The following ZDHHC21 variants were observed in gnomAD, a reference collection of about 807,000 sequenced individuals.
ZDHHC21 encodes the protein palmitoyltransferase ZDHHC21.
A neutral mutation model predicts 34.6 loss-of-function variants in ZDHHC21; 15 were observed. That is an observed-to-expected ratio of 0.43 (90% CI 0.29 to 0.67). The LOEUF (loss-of-function observed/expected upper bound fraction) is 0.67, where lower values mean the gene tolerates loss of function less well. ZDHHC21 is among the 30% of genes least tolerant of loss of function. The pLI is 0.14. For missense variants in ZDHHC21, 344 were observed against 327.7 expected, an observed-to-expected ratio of 1.05 and a Z score of -0.38; for synonymous variants, 142 against 101.8, an observed-to-expected ratio of 1.40 and a Z score of -2.38.
At position 14,640,030 on chromosome 9, in the gene ZDHHC21, G is replaced by A; in HGVS notation, c.505-18C>T. On this transcript the variant is annotated intron_variant, in intron 7 of 9. Coordinates refer to ENST00000380916, the MANE Select transcript of ZDHHC21 (RefSeq NM_178566.6). ...AAGAGGTCCTAAAAAGAAAAAGAAA[G>A]TCTTAAAAACCATTCAGAGTTGCTT... 1 of 1,525,796 alleles carries A rather than the reference G, an allele frequency of 6.6e-7. No homozygotes were observed. Among genetic ancestry groups the A allele is most frequent in the Non-Finnish European group, 9.0e-7 (1 of 1,112,778 alleles). 94.5% of individuals were successfully genotyped at this position (1,525,796 alleles called of 1,614,324 possible). A position where few individuals can be genotyped will look rare whatever the true frequency, so the allele number is the denominator to read the frequency against.
intron 2 of ZDHHC21, among the ~76,000 whole-genome samples, chr9:14,689,429 G>A (rs1410798993): frequency 2.0e-5 from 3 of 152,156 alleles, no homozygotes; most frequent in East Asian, 1.9e-4. Flanking sequence ...AAACGTGGGT[G>A]GACAAAGTGT....
intron 8 of ZDHHC21, among the ~76,000 whole-genome samples, chr9:14,637,482 C>G (rs185967047): frequency 2.6e-5 from 4 of 151,984 alleles, no homozygotes; most frequent in Non-Finnish European, 5.9e-5. Context: ...ATAAGTAGAA[C>G]TAACACCAAT....
intron 5 of ZDHHC21, 40 bp from the exon 6 acceptor site, chr9:14,662,366 T>C (rs1332007141): frequency 3.5e-6 from 5 of 1,446,310 alleles, no homozygotes; most frequent in Non-Finnish European, 4.8e-6. Flanking sequence ...TGAAGGCAAG[T>C]GGGTAATGCT....
chr9:14,623,987 T>A (rs1825769497), intron 8 of ZDHHC21, among the ~76,000 whole-genome samples: 1 of 152,080 alleles, frequency 6.6e-6, no homozygotes, highest in Non-Finnish European at 1.5e-5. Flanking sequence ...ACAAAACTAC[T>A]ATATGATCCA....
intron 3 of ZDHHC21, among the ~76,000 whole-genome samples, chr9:14,677,200 ACT>A (rs1346432516): frequency 2.0e-5 from 3 of 152,178 alleles, no homozygotes; most frequent in Admixed American, 6.6e-5. Flanking sequence ...CATAGATGAC[ACT>A]CTCTAAAAGA....
At chr9:14,588,886 T>C in the ZDHHC21 span, 1 of 152,154 alleles carries the variant, frequency 6.6e-6, no homozygotes, top group Non-Finnish European at 1.5e-5. Context: ...ATGAGCCCAC[T>C]GACTCAGATG....
chr9:14,607,336 G>A (rs1480452579), downstream of ZDHHC21, among the ~76,000 whole-genome samples: 1 of 152,078 alleles, frequency 6.6e-6, no homozygotes. Flanking sequence ...GCCAGGAGGT[G>A]GAGGCTGCAG....
chr9:14,684,578 C>T (rs982175353), intron 2 of ZDHHC21, among the ~76,000 whole-genome samples: 64 of 151,738 alleles, frequency 4.2e-4, no homozygotes, highest in Non-Finnish European at 6.8e-4. Flanking sequence ...GAAGAACATT[C>T]CATGCTCATG....
At chr9:14,596,193 A>G in the ZDHHC21 span, among the ~76,000 whole-genome samples, 512 of 152,374 alleles carry the variant, frequency 3.4e-3, 4 homozygotes, top group Non-Finnish European at 4.1e-3. Flanking sequence ...AATCGATAAC[A>G]AATTGAAGAT....
the ZDHHC21 span, among the ~76,000 whole-genome samples, chr9:14,602,195 A>G: frequency 6.6e-6 from 1 of 152,028 alleles, no homozygotes; most frequent in East Asian, 1.9e-4. Flanking sequence ...GAAGAATTCA[A>G]TGAATGAAAT....
In ZDHHC21 at chr9:14,656,093, G is replaced by A. The variant is rs1017618218; in HGVS notation, c.504+2656C>T. Among the ~76,000 whole-genome samples the A allele has an allele frequency of 1.5e-4, 23 of 151,890 alleles. 1 individual carries two copies. Among genetic ancestry groups the A allele is most frequent in the African/African-American group, 4.8e-4 (20 of 41,526 alleles). On this transcript the variant is annotated intron_variant, in intron 7 of 9. Transcript: ENST00000380916. ...AATCAATCCACCAAAAAGGTATAAC[G>A]AAATTTGGATGTGTCTATAATGTAG...
At chr9:14,626,643 G>C (rs1385249713) in intron 8 of ZDHHC21, among the ~76,000 whole-genome samples, 1 of 151,774 alleles carries the variant, frequency 6.6e-6, no homozygotes, top group Admixed American at 6.6e-5. Context: ...AAATAATTTT[G>C]ATAATTTTTT....
intron 7 of ZDHHC21, among the ~76,000 whole-genome samples, chr9:14,648,678 G>C (rs1013748462): frequency 1.3e-5 from 2 of 152,014 alleles, no homozygotes; most frequent in African/African-American, 4.8e-5. Flanking sequence ...TCTCTAATTG[G>C]AACGTAAGCT....
At chr9:14,638,175 C>G (rs1828644436) in intron 8 of ZDHHC21, among the ~76,000 whole-genome samples, 1 of 151,814 alleles carries the variant, frequency 6.6e-6, no homozygotes, top group Non-Finnish European at 1.5e-5. Context: ...TAAAAGCAGA[C>G]ACATAGACAC....
chr9:14,669,719 T>C (rs868039065), intron 5 of ZDHHC21, among the ~76,000 whole-genome samples: 6,227 of 148,558 alleles, frequency 0.042, 406 homozygotes, highest in African/African-American at 0.15. Context: ...GTGGATGAAA[T>C]TGGAAATCAT....
At chr9:14,687,406 C>G (rs1587494739) in intron 2 of ZDHHC21, among the ~76,000 whole-genome samples, 1 of 150,926 alleles carries the variant, frequency 6.6e-6, no homozygotes, top group East Asian at 1.9e-4. Flanking sequence ...CATGGTGGCT[C>G]ATGCCTGTAA....
intron 7 of ZDHHC21, among the ~76,000 whole-genome samples, chr9:14,651,762 T>C (rs1345257924): frequency 6.6e-6 from 1 of 151,926 alleles, no homozygotes; most frequent in Non-Finnish European, 1.5e-5. Context: ...TAAAATGAAA[T>C]AGAGTTTCAT....
chr9:14,663,831 A>G (rs1476291394), intron 5 of ZDHHC21, among the ~76,000 whole-genome samples: 1 of 152,234 alleles, frequency 6.6e-6, no homozygotes, highest in Non-Finnish European at 1.5e-5. Context: ...CAAGAGCAAC[A>G]GTACTAAAGC....
At chr9:14,672,294 T>C (rs1835609010) in intron 5 of ZDHHC21, among the ~76,000 whole-genome samples, 1 of 152,120 alleles carries the variant, frequency 6.6e-6, no homozygotes, top group African/African-American at 2.4e-5. Context: ...AGGCATTCAA[T>C]ATTATCTTTC....
Sources: gnomAD v4.1 joint callset for allele counts (sites outside exome capture counted in the v4.1 genomes callset) on GRCh38, gnomAD v4.1.1 for gene constraint, MANE v1.5 for transcripts, NCBI Gene and HGNC (gene_info 2026-07-23, HGNC 2026-07-21) for gene names.